HEPH: variants seen among roughly 807,000 people sequenced by gnomAD.
HEPH encodes the protein hephaestin.
HEPH carries 69 observed loss-of-function variants against 80.8 expected under a neutral mutation model. That is an observed-to-expected ratio of 0.85 (90% CI 0.70 to 1.04). The LOEUF (loss-of-function observed/expected upper bound fraction) is 1.04. Ranked by LOEUF, HEPH falls within the 50% of genes least tolerant of loss-of-function variation. The pLI is 0.00. For missense variants in HEPH, 1,115 were observed against 891.3 expected, an observed-to-expected ratio of 1.25 and a Z score of -3.20; for synonymous variants, 431 against 322.8, an observed-to-expected ratio of 1.34 and a Z score of -3.60.
At chrX:66,177,784 C>T (rs1335886189) in intron 4 of HEPH, among the ~76,000 whole-genome samples, 1 of 110,338 alleles carries the variant, frequency 9.1e-6, no homozygotes, top group Non-Finnish European at 1.9e-5. Context: ...GTTCTTGTTT[C>T]TCTAGTTCCT....
At chrX:66,208,652 A>G (rs868257282) in intron 15 of HEPH, among the ~76,000 whole-genome samples, 1 of 69,956 alleles carries the variant, frequency 1.4e-5, no homozygotes, top group Non-Finnish European at 2.3e-5. Flanking sequence ...ATATATATAT[A>G]TATATATATA....
intron 15 of HEPH, among the ~76,000 whole-genome samples, chrX:66,236,244 G>T (rs2090357022): frequency 8.9e-6 from 1 of 111,741 alleles, no homozygotes; most frequent in Admixed American, 9.5e-5. Context: ...GATGTTGGCT[G>T]TGTGTTTGTC....
Position 66,203,352 on chromosome X carries a change from A to G in HEPH, c.2078-12A>G. 7.5e-6 allele frequency: 9 copies of G among 1,205,058 alleles called. No individual in the cohort carries two copies. The highest frequency in any genetic ancestry group is 1.0e-5 in the Non-Finnish European group (9 of 891,169). The stretch of plus-strand genomic sequence containing the variant: ...GTTCTGAGTCAGATTTTTCTCTCTG[A>G]TCCTCCCTCAGGGACATTTGAGATT... On this transcript the variant is annotated splice_polypyrimidine_tract_variant and intron_variant, in intron 12 of 20. Transcript: ENST00000343002.
rs1197054443 is a variant in HEPH at position 66,201,117 on chromosome X, T to A, written c.2077+365T>A. On this transcript the variant is annotated intron_variant, in intron 12 of 20. Coordinates refer to ENST00000343002, the MANE Select transcript of HEPH (RefSeq NM_001367233.3). Reference sequence around the variant, plus strand: ...TGGGAGGAAGGTCAATAAAATGCACTTATAAGTGCTATCAAATTGATATTC... The same window carrying A: ...TGGGAGGAAGGTCAATAAAATGCACATATAAGTGCTATCAAATTGATATTC... Among the ~76,000 whole-genome samples, 32 of 111,078 alleles carry A rather than the reference T, an allele frequency of 2.9e-4. No homozygotes were observed. In the Admixed American group the frequency reaches 3.1e-3, roughly 11 times the overall value.
At chrX:66,227,669 T>A (rs1353582924) in intron 15 of HEPH, among the ~76,000 whole-genome samples, 6 of 112,140 alleles carry the variant, frequency 5.4e-5, no homozygotes, top group Admixed American at 9.4e-5. Context: ...TTCTACACTT[T>A]ATGTTTTTGT....
intron 15 of HEPH, among the ~76,000 whole-genome samples, chrX:66,245,801 A>C (rs1286317717): frequency 8.9e-6 from 1 of 112,423 alleles, no homozygotes; most frequent in Non-Finnish European, 1.9e-5. Context: ...CAGTGCAATC[A>C]AACTAGAACT....
intron 15 of HEPH, among the ~76,000 whole-genome samples, chrX:66,246,741 G>T (rs755804723): frequency 8.9e-6 from 1 of 111,801 alleles, no homozygotes; most frequent in African/African-American, 3.3e-5. Flanking sequence ...ACAGGCTGGT[G>T]CTCAGCTTCC....
At chrX:66,244,624 C>G (rs2090731738) in intron 15 of HEPH, among the ~76,000 whole-genome samples, 1 of 111,181 alleles carries the variant, frequency 9.0e-6, no homozygotes, top group Non-Finnish European at 1.9e-5. Context: ...ATCTTCATTC[C>G]TATCCATACT....
intron 15 of HEPH, among the ~76,000 whole-genome samples, chrX:66,232,087 T>C (rs1457704198): frequency 9.1e-6 from 1 of 109,376 alleles, no homozygotes; most frequent in Non-Finnish European, 1.9e-5. Flanking sequence ...CATTTATTGA[T>C]TTGCATATAT....
chrX:66,232,824 A>C (rs2090205823), intron 15 of HEPH, among the ~76,000 whole-genome samples: 1 of 111,197 alleles, frequency 9.0e-6, no homozygotes, highest in Non-Finnish European at 1.9e-5. Context: ...TGCCAGATTT[A>C]CTTTTTTTAG....
chrX:66,258,895 A>G lies in HEPH; in HGVS notation c.2952A>G (p.Glu984=), dbSNP rs141928883. 2 of 1,196,823 alleles carry G rather than the reference A, an allele frequency of 1.7e-6. No homozygotes were observed. The highest frequency in any genetic ancestry group is 1.1e-6 in the Non-Finnish European group (1 of 887,697). ...GGGGTCTTACCATGTACCAAGGAGA[A>G]CGAGTGGCCTGGTACATGCTGGCCA... ...NLRGLTMYQG[E]RVAWYMLAMG... is the part of the protein sequence containing the mutation. Residue 984 remains glutamate (E), a synonymous_variant, in exon 18 of 21, where the codon GAA becomes GAG. Coordinates refer to ENST00000343002, the MANE Select transcript of HEPH (RefSeq NM_001367233.3).
chrX:66,225,511 C>T (rs1410805365), intron 15 of HEPH, among the ~76,000 whole-genome samples: 1 of 112,644 alleles, frequency 8.9e-6, no homozygotes, highest in African/African-American at 3.2e-5. Flanking sequence ...ACAGGCACAC[C>T]ATGGGTGATC....
chrX:66,240,456 A>G (rs1371644758), intron 15 of HEPH, among the ~76,000 whole-genome samples: 1 of 110,475 alleles, frequency 9.1e-6, no homozygotes, highest in Non-Finnish European at 1.9e-5. Flanking sequence ...TAATTTTCCA[A>G]AATTGTTGAC....
chrX:66,198,792 G>T (rs1336771677), intron 10 of HEPH, 86 bp from the exon 11 acceptor site: 1 of 690,568 alleles, frequency 1.4e-6, no homozygotes, highest in Non-Finnish European at 2.2e-6. Context: ...GAAAGAATCT[G>T]GCATCCCTTG....
chrX:66,252,938 T>A (rs906130248), intron 15 of HEPH, among the ~76,000 whole-genome samples: 2 of 112,126 alleles, frequency 1.8e-5, no homozygotes, highest in Non-Finnish European at 3.8e-5. Context: ...ACTCACAACA[T>A]ACAGAAAAAT....
intron 15 of HEPH, among the ~76,000 whole-genome samples, chrX:66,247,309 G>A (rs764566438): frequency 9.7e-6 from 1 of 103,555 alleles, no homozygotes; most frequent in African/African-American, 3.6e-5. Flanking sequence ...ATATTAATCC[G>A]CTTGATGTTG....
At chrX:66,199,615 G>T (rs746875365) in intron 11 of HEPH, among the ~76,000 whole-genome samples, 2 of 112,014 alleles carry the variant, frequency 1.8e-5, no homozygotes, top group Non-Finnish European at 3.8e-5. Context: ...GAAAAAAAAT[G>T]ATATGCTTCC....
In HEPH at chrX:66,200,121, C is replaced by T. The variant is rs187848989; in HGVS notation, c.1865-419C>T. 5.5e-4 allele frequency among the ~76,000 whole-genome samples: 60 copies of T among 109,611 alleles called. 1 individual carries two copies. The highest frequency in any genetic ancestry group is 7.9e-4 in the South Asian group (2 of 2,526). ...TTCAGATCCCCAACACGTATGGGGG[C>T]GTGGAAAATGAGATCTATATGGAAA... On this transcript the variant is annotated intron_variant, in intron 11 of 20. Coordinates refer to ENST00000343002, the MANE Select transcript of HEPH (RefSeq NM_001367233.3).
At chrX:66,202,079 A>G (rs1427446508) in intron 12 of HEPH, among the ~76,000 whole-genome samples, 1 of 111,362 alleles carries the variant, frequency 9.0e-6, no homozygotes, top group Non-Finnish European at 1.9e-5. Flanking sequence ...AGAATGTAGA[A>G]CTCTATTTGG....
Sources: gnomAD v4.1 joint callset for allele counts (sites outside exome capture counted in the v4.1 genomes callset) on GRCh38, gnomAD v4.1.1 for gene constraint, MANE v1.5 for transcripts, NCBI Gene and HGNC (gene_info 2026-07-23, HGNC 2026-07-21) for gene names.